RYR2: variants seen among roughly 807,000 people sequenced by gnomAD.
RYR2 encodes ryanodine receptor 2.
A neutral mutation model predicts 601.1 loss-of-function variants in RYR2; 227 were observed. That is an observed-to-expected ratio of 0.38 (90% CI 0.34 to 0.42). The LOEUF (loss-of-function observed/expected upper bound fraction) is 0.42. Ranked by LOEUF, RYR2 falls within the 10% of genes least tolerant of loss-of-function variation. RYR2 has a pLI of 1.00. For synonymous variants in RYR2, 2,223 were observed against 2,175.1 expected (o/e 1.02, Z -0.61); for missense variants, 4,646 against 6,156.5 (o/e 0.75, Z 8.21).
At chr1:237,292,173 G>A (rs1692295555) in intron 2 of RYR2, among the ~76,000 whole-genome samples, 1 of 152,036 alleles carries the variant, frequency 6.6e-6, no homozygotes, top group Non-Finnish European at 1.5e-5. Context: ...AAAGTATAGT[G>A]GATTCAAGCA....
chr1:237,538,889 T>TG (rs1382086219), intron 25 of RYR2, among the ~76,000 whole-genome samples: 2 of 152,156 alleles, frequency 1.3e-5, no homozygotes, highest in East Asian at 3.9e-4. Context: ...AGGTGGTGAT[T>TG]GAGAGCAAGG....
intron 3 of RYR2, among the ~76,000 whole-genome samples, chr1:237,333,407 C>T (rs886843924): frequency 1.3e-5 from 2 of 152,166 alleles, no homozygotes; most frequent in Non-Finnish European, 2.9e-5. Context: ...TTAATGAGCA[C>T]AGCCCCAGCC....
chr1:237,241,223 C>T (rs773060452), intron 1 of RYR2, among the ~76,000 whole-genome samples: 1 of 152,158 alleles, frequency 6.6e-6, no homozygotes, highest in Non-Finnish European at 1.5e-5. Flanking sequence ...ACTGATTGTA[C>T]ATCAGCATAT....
intron 27 of RYR2, among the ~76,000 whole-genome samples, chr1:237,552,562 T>C (rs1033183302): frequency 1.3e-5 from 2 of 152,072 alleles, no homozygotes; most frequent in Non-Finnish European, 1.5e-5. Context: ...TTGTAAGTTC[T>C]ATCATTACAG....
chr1:237,145,391 AT>A (rs948968801), intron 1 of RYR2, among the ~76,000 whole-genome samples: 1 of 152,136 alleles, frequency 6.6e-6, no homozygotes, highest in Non-Finnish European at 1.5e-5. Context: ...GCATATATCC[AT>A]TCTCCTGTCT....
chr1:237,818,090 AG>A (rs1662040171), intron 100 of RYR2, among the ~76,000 whole-genome samples: 1 of 152,152 alleles, frequency 6.6e-6, no homozygotes, highest in South Asian at 2.1e-4. Context: ...TTTTTGGGAA[AG>A]CTGAGTGTGG....
intron 62 of RYR2, among the ~76,000 whole-genome samples, chr1:237,685,157 G>C (rs1430319098): frequency 5.3e-5 from 8 of 152,070 alleles, no homozygotes; most frequent in Admixed American, 3.9e-4. Flanking sequence ...TTGGAAATGA[G>C]GGGAAGCAGA....
Position 237,590,819 on chromosome 1 carries a change from G to T in RYR2, c.3987G>T (p.Gly1329=). Residue 1329 remains glycine (G), a synonymous_variant, in exon 31 of 105, where the codon GGG becomes GGT. Coordinates refer to ENST00000366574, the MANE Select transcript of RYR2 (RefSeq NM_001035.3). ...AGGLPGAGLF[G]PKNDLEDYDA... is the part of the protein sequence containing the mutation. ...GGCTCCCTGGGGCTGGCCTTTTTGG[G>T]CCCAAGAATGACTTGGAAGATTATG... The T allele has an allele frequency of 6.2e-7, 1 of 1,613,802 alleles. No homozygotes were observed. Among genetic ancestry groups the T allele is most frequent in the Non-Finnish European group, 8.5e-7 (1 of 1,179,832 alleles).
chr1:237,445,014 T>G (rs1708207548), intron 13 of RYR2, among the ~76,000 whole-genome samples: 2 of 152,144 alleles, frequency 1.3e-5, no homozygotes, highest in African/African-American at 2.4e-5. Flanking sequence ...CTCTGCTGTT[T>G]GTTTTACTCG....
chr1:237,193,165 T>TGCAAAAAAAAAAAAAAAAA (rs1402978522), intron 1 of RYR2, among the ~76,000 whole-genome samples: 3 of 2,744 alleles, frequency 1.1e-3, no homozygotes, highest in African/African-American at 1.9e-3. Flanking sequence ...CTGCTAAAAG[T>TGCAAAAAAAAAAAAAAAAA]ACAAAAAAAA....
chr1:237,251,170 C>T (rs1364349840), intron 1 of RYR2, among the ~76,000 whole-genome samples: 1 of 152,080 alleles, frequency 6.6e-6, no homozygotes, highest in African/African-American at 2.4e-5. Context: ...CCTGAAATGT[C>T]ACAGACAGCC....
chr1:237,148,521 A>ATATATTTATATATAT (rs1417305977), intron 1 of RYR2, among the ~76,000 whole-genome samples: 4 of 44,002 alleles, frequency 9.1e-5, no homozygotes, highest in African/African-American at 2.9e-4. Flanking sequence ...CAAGTAAAAA[A>ATATATTTATATATAT]AAAAAAATAT....
At chr1:237,162,484 T>A (rs1470930604) in intron 1 of RYR2, among the ~76,000 whole-genome samples, 2 of 152,000 alleles carry the variant, frequency 1.3e-5, no homozygotes, top group African/African-American at 4.8e-5. Context: ...TCATTTCCTA[T>A]CAATATTACT....
At chr1:237,384,315 T>A (rs1701799651) in intron 8 of RYR2, among the ~76,000 whole-genome samples, 1 of 152,258 alleles carries the variant, frequency 6.6e-6, no homozygotes, top group South Asian at 2.1e-4. Flanking sequence ...TGCTGTAAAC[T>A]CCTTATTACC....
intron 12 of RYR2, among the ~76,000 whole-genome samples, chr1:237,436,454 CTTTTTTT>C (rs551140501): frequency 3.3e-4 from 16 of 48,722 alleles, no homozygotes; most frequent in African/African-American, 8.9e-4. Context: ...TGTGATTTTC[CTTTTTTT>C]TTTTTTTTTT....
chr1:237,154,155 T>C lies in RYR2; in HGVS notation c.48+111586T>C, dbSNP rs534614368. On this transcript the variant is annotated intron_variant, in intron 1 of 104. Coordinates refer to ENST00000366574, the MANE Select transcript of RYR2 (RefSeq NM_001035.3). Reference sequence around the variant, plus strand: ...TGGGAAGCAGCTCAGGAGTTATGGATGCGGATTATGAGTTATGTAGTTTTT... The same window carrying C: ...TGGGAAGCAGCTCAGGAGTTATGGACGCGGATTATGAGTTATGTAGTTTTT... Among the ~76,000 whole-genome samples the C allele has an allele frequency of 2.3e-3, 352 of 152,304 alleles. 1 individual carries two copies. The highest frequency in any genetic ancestry group is 8.2e-3 in the African/African-American group (340 of 41,560).
intron 45 of RYR2, among the ~76,000 whole-genome samples, chr1:237,638,770 A>C (rs987344811): frequency 2.0e-5 from 3 of 152,192 alleles, no homozygotes; most frequent in African/African-American, 7.2e-5. Flanking sequence ...CTATAATAAT[A>C]ACAAGTTAGT....
chr1:237,602,558 T>C (rs1171658287), intron 35 of RYR2, among the ~76,000 whole-genome samples: 1 of 152,148 alleles, frequency 6.6e-6, no homozygotes, highest in Non-Finnish European at 1.5e-5. Flanking sequence ...AACTGTAAAA[T>C]AGAAGCTCTT....
intron 12 of RYR2, among the ~76,000 whole-genome samples, chr1:237,437,310 C>T (rs544377053): frequency 1.3e-5 from 2 of 152,184 alleles, no homozygotes; most frequent in East Asian, 3.9e-4. Flanking sequence ...CCTCGGCCTC[C>T]TAAAGTGCTG....
Sources: gnomAD v4.1 joint callset for allele counts (sites outside exome capture counted in the v4.1 genomes callset) on GRCh38, gnomAD v4.1.1 for gene constraint, MANE v1.5 for transcripts, NCBI Gene and HGNC (gene_info 2026-07-23, HGNC 2026-07-21) for gene names.